The following GSE1 variants were observed in gnomAD, a reference collection of about 807,000 sequenced individuals.
GSE1 encodes the protein Gse1 coiled-coil protein.
A neutral mutation model predicts 112.6 loss-of-function variants in GSE1; 32 were observed. The observed-to-expected ratio is 0.28, with a 90% CI of 0.21 to 0.38. The LOEUF (loss-of-function observed/expected upper bound fraction) is 0.38, where lower values mean the gene tolerates loss of function less well. GSE1 is among the 10% of genes least tolerant of loss of function. The probability of loss-of-function intolerance (pLI) is 1.00; values close to 1 mark genes in which losing one functional copy is unlikely to be tolerated. For missense variants in GSE1, 2,348 were observed against 1,699.2 expected (o/e 1.38, Z -6.71); for synonymous variants, 1,115 against 735.6 (o/e 1.52, Z -8.35).
intron 2 of GSE1, among the ~76,000 whole-genome samples, chr16:85,518,266 A>T (rs1324354637): frequency 6.6e-6 from 1 of 151,976 alleles, no homozygotes; most frequent in Non-Finnish European, 1.5e-5. Context: ...GGCCCAAGAG[A>T]GAATGAAGGG....
At chr16:85,628,612 C>G (rs2049274017) in intron 1 of GSE1, among the ~76,000 whole-genome samples, 1 of 152,188 alleles carries the variant, frequency 6.6e-6, no homozygotes, top group Non-Finnish European at 1.5e-5. Flanking sequence ...CCCCAGTTCC[C>G]TCCACCTCTG....
chr16:85,374,990 G>A (rs1193842150), intron 2 of GSE1, among the ~76,000 whole-genome samples: 2 of 152,184 alleles, frequency 1.3e-5, no homozygotes, highest in Admixed American at 1.3e-4. Context: ...ACAGGGCTGC[G>A]GCCCCAGCGT....
intron 2 of GSE1, among the ~76,000 whole-genome samples, chr16:85,635,665 G>T (rs1044625647): frequency 1.3e-5 from 2 of 152,200 alleles, no homozygotes; most frequent in Non-Finnish European, 2.9e-5. Context: ...GCGTTTGGGG[G>T]CAGGAGAACC....
chr16:85,351,813 A>G (rs2046856037), intron 1 of GSE1, among the ~76,000 whole-genome samples: 1 of 152,144 alleles, frequency 6.6e-6, no homozygotes, highest in Non-Finnish European at 1.5e-5. Context: ...AACATGGTGA[A>G]AGCCCGTCTT....
chr16:85,420,517 AGGG>A (rs60191171), intron 2 of GSE1, among the ~76,000 whole-genome samples: 7,082 of 152,096 alleles, frequency 0.047, 586 homozygotes, highest in African/African-American at 0.16. Context: ...TCCAGGGCCA[AGGG>A]GGGTGGCACC....
chr16:85,385,652 C>G (rs146682368), intron 2 of GSE1, among the ~76,000 whole-genome samples: 57 of 152,296 alleles, frequency 3.7e-4, no homozygotes, highest in African/African-American at 1.3e-3. Flanking sequence ...TCATGAGACC[C>G]GGGGAGTCTG....
At position 85,324,253 on chromosome 16, in the gene GSE1, T is replaced by G. The variant is rs544327607; in HGVS notation, c.2284-33210T>G. Among the ~76,000 whole-genome samples, 4 of 152,304 alleles carry G rather than the reference T, an allele frequency of 2.6e-5. No individual in the cohort carries two copies. In the South Asian group the frequency reaches 8.3e-4, roughly 32 times the overall value. On this transcript the variant is annotated intron_variant, in intron 1 of 2. Transcript: ENST00000637419. ...GGCCGGGCACAGTGGCTCACGCCTG[T>G]AATCCCATCACTTTGAGAGACTGAG... is the stretch of plus-strand genomic sequence containing the variant.
chr16:85,558,180 T>C (rs1260425760), intron 1 of GSE1, among the ~76,000 whole-genome samples: 26 of 152,136 alleles, frequency 1.7e-4, no homozygotes, highest in Admixed American at 1.7e-3. Context: ...TGGGTCTGAG[T>C]CGCGCTGACA....
intron 1 of GSE1, among the ~76,000 whole-genome samples, chr16:85,225,249 A>T (rs1195903932): frequency 2.0e-5 from 3 of 152,166 alleles, no homozygotes; most frequent in Non-Finnish European, 4.4e-5. Flanking sequence ...TTGAGCAGAC[A>T]CTCTGGGAGG....
intron 1 of GSE1, among the ~76,000 whole-genome samples, chr16:85,605,404 C>A (rs1240490440): frequency 6.6e-6 from 1 of 152,074 alleles, no homozygotes; most frequent in Non-Finnish European, 1.5e-5. Context: ...AGAAGTGCTT[C>A]CTCGTAAAAC....
In GSE1 at chr16:85,648,604, C is replaced by A; in HGVS notation, c.279C>A (p.His93Gln). Residue 93 changes from histidine (H) to glutamine (Q), a missense_variant, in exon 3 of 16, where the codon CAC (histidine) becomes CAA (glutamine). By Grantham distance (24) the His-to-Gln change is conservative. Transcript: ENST00000253458. Reference protein sequence around the residue: ...SSPVSSPATNHSSPASTPKRV... With the variant: ...SSPVSSPATNQSSPASTPKRV... ...CCGTGTCCTCTCCGGCCACCAACCA[C>A]AGCTCCCCCGCCAGCACACCCAAGC... 6.2e-7 allele frequency: 1 copy of A among 1,605,814 alleles called. No homozygotes were observed. Among genetic ancestry groups the A allele is most frequent in the Non-Finnish European group, 8.5e-7 (1 of 1,176,082 alleles).
At chr16:85,417,405 A>T (rs375647680) in intron 2 of GSE1, among the ~76,000 whole-genome samples, 28,176 of 152,162 alleles carry the variant, frequency 0.19, 2,779 homozygotes, top group Middle Eastern at 0.32. Context: ...CCCGAGCTGG[A>T]AGAAGATCCT....
intron 3 of GSE1, among the ~76,000 whole-genome samples, chr16:85,651,790 G>T (rs1194100906): frequency 6.6e-6 from 1 of 152,204 alleles, no homozygotes; most frequent in African/African-American, 2.4e-5. Context: ...GGGAGTCCAG[G>T]TACCCCGGGT....
At chr16:85,376,184 C>G (rs374840287) in intron 2 of GSE1, among the ~76,000 whole-genome samples, 2 of 152,194 alleles carry the variant, frequency 1.3e-5, no homozygotes, top group Non-Finnish European at 2.9e-5. Flanking sequence ...GCTGTTCTGC[C>G]TCCCCTGGCA....
chr16:85,674,775 G>A lies in GSE1; in HGVS notation c.*2236G>A, dbSNP rs2053590201. On this transcript the variant is annotated 3_prime_UTR_variant, in exon 16 of 16. Coordinates refer to ENST00000253458, the MANE Select transcript of GSE1 (RefSeq NM_014615.5). ...GCACACCATGAGAGGTCTGCCCAGG[G>A]TGGGAGCAGTGTCACTGTGCTAGCA... 1 of 152,376 alleles carries A rather than the reference G, an allele frequency of 6.6e-6. No individual in the cohort carries two copies. Among genetic ancestry groups the A allele is most frequent in the South Asian group, 2.1e-4 (1 of 4,820 alleles). 9.4% of individuals were successfully genotyped at this position (152,376 alleles called of 1,614,324 possible). A position where few individuals can be genotyped will look rare whatever the true frequency, so the allele number is the denominator to read the frequency against.
At chr16:85,621,672 C>A (rs988241031) in intron 1 of GSE1, among the ~76,000 whole-genome samples, 1 of 152,178 alleles carries the variant, frequency 6.6e-6, no homozygotes, top group African/African-American at 2.4e-5. Flanking sequence ...AACAGCAGGA[C>A]TGTGTCTGCT....
intron 1 of GSE1, among the ~76,000 whole-genome samples, chr16:85,266,688 C>T (rs761311402): frequency 4.6e-5 from 7 of 151,568 alleles, no homozygotes; most frequent in Non-Finnish European, 7.4e-5. Flanking sequence ...TTGGGGCCTG[C>T]CAGAAAAGGT....
chr16:85,567,457 C>G (rs2045806776), intron 1 of GSE1, among the ~76,000 whole-genome samples: 2 of 152,170 alleles, frequency 1.3e-5, no homozygotes, highest in Admixed American at 1.3e-4. Flanking sequence ...CTCACTCAGG[C>G]CTGGCAGTTG....
intron 1 of GSE1, among the ~76,000 whole-genome samples, chr16:85,327,751 G>T (rs1021875342): frequency 6.6e-6 from 1 of 152,204 alleles, no homozygotes; most frequent in Non-Finnish European, 1.5e-5. Flanking sequence ...AAGACTGCAT[G>T]GATTCATACA....
Sources: allele counts gnomAD v4.1 joint callset (sites outside exome capture counted in the v4.1 genomes callset), GRCh38; gene constraint gnomAD v4.1.1; transcripts MANE v1.5; gene names NCBI Gene and HGNC (gene_info 2026-07-23, HGNC 2026-07-21).